The following NCAM1 variants were observed in gnomAD, a reference collection of about 807,000 sequenced individuals.
NCAM1 encodes neural cell adhesion molecule 1.
NCAM1 carries 14 observed loss-of-function variants against 109.8 expected under a neutral mutation model. The ratio of observed to expected loss-of-function variants is 0.13; its 90% CI spans 0.08 to 0.20. NCAM1 has a LOEUF of 0.20. Ranked by LOEUF, NCAM1 falls within the 10% of genes least tolerant of loss-of-function variation. The pLI is 1.00. For synonymous variants in NCAM1, 418 were observed against 442.9 expected (o/e 0.94, Z 0.70); for missense variants, 774 against 1,109.9 (o/e 0.70, Z 4.30).
intron 1 of NCAM1, among the ~76,000 whole-genome samples, chr11:112,993,622 T>A (rs1439118993): frequency 2.0e-5 from 3 of 152,230 alleles, no homozygotes; most frequent in African/African-American, 7.2e-5. Context: ...TAACATTTGT[T>A]TTTAAAATTT....
rs2361227 is a variant in NCAM1, at chr11:113,088,547, C to G, written c.53-113832C>G. Among the ~76,000 whole-genome samples, 4 of 9,192 alleles carry G rather than the reference C, an allele frequency of 4.4e-4. No homozygotes were observed. In the South Asian group the frequency reaches 5.6e-3, roughly 13 times the overall value. The allele number at this position is 9,192 out of a possible 152,430, so 6.0% of individuals were successfully genotyped here. On this transcript the variant is annotated intron_variant, in intron 1 of 19. Transcript: ENST00000316851. ...ACCATTTGATATGGCATAGCGATCT[C>G]ACTGATCATTGGGTAAAACACTAGT...
At chr11:113,032,944 A>G (rs1555078549) in intron 1 of NCAM1, among the ~76,000 whole-genome samples, 1 of 152,218 alleles carries the variant, frequency 6.6e-6, no homozygotes, top group African/African-American at 2.4e-5. Context: ...TTCCCCCTCA[A>G]TAAATTTTCT....
intron 1 of NCAM1, among the ~76,000 whole-genome samples, chr11:112,995,339 A>G (rs1383352654): frequency 1.3e-5 from 2 of 152,192 alleles, no homozygotes; most frequent in African/African-American, 2.4e-5. Context: ...TCTGAGAAGT[A>G]GTTCTTCTAA....
chr11:113,074,954 T>G (rs1938462783), intron 1 of NCAM1, among the ~76,000 whole-genome samples: 2 of 152,170 alleles, frequency 1.3e-5, no homozygotes, highest in African/African-American at 4.8e-5. Context: ...TTTTAATTAG[T>G]TCAAATTGGA....
chr11:113,239,909 T>G (rs1945276664), intron 14 of NCAM1, among the ~76,000 whole-genome samples: 1 of 152,150 alleles, frequency 6.6e-6, no homozygotes, highest in East Asian at 1.9e-4. Flanking sequence ...ACACTGAGGT[T>G]TTTCCAAATT....
At chr11:113,046,984 ACTGG>A (rs1259646157) in intron 1 of NCAM1, among the ~76,000 whole-genome samples, 5 of 152,202 alleles carry the variant, frequency 3.3e-5, no homozygotes, top group Admixed American at 1.3e-4. Flanking sequence ...GTGGAAATAC[ACTGG>A]CTGTTAAAGT....
intron 14 of NCAM1, among the ~76,000 whole-genome samples, chr11:113,237,446 C>T (rs907781874): frequency 1.1e-4 from 16 of 152,208 alleles, no homozygotes; most frequent in African/African-American, 3.9e-4. Flanking sequence ...TGCCAAATGT[C>T]CTACCTCAGC....
At position 113,178,351 on chromosome 11, in the gene NCAM1, TA is replaced by T. The variant is rs370400825; in HGVS notation, c.53-24022del. Among the ~76,000 whole-genome samples, 29 of 152,250 alleles carry T rather than the reference TA, an allele frequency of 1.9e-4. No homozygotes were observed. The East Asian group carries it at 5.6e-3, about 29-fold the overall frequency. ...TCCCTGATGCATTAATGTGTTGACT[TA>T]AAAAAGGCTGCAGGGGCTCATCTCC... On this transcript the variant is annotated intron_variant, in intron 1 of 19. Coordinates refer to ENST00000316851, the MANE Select transcript of NCAM1 (RefSeq NM_181351.5).
chr11:113,040,730 T>C (rs7942268), intron 1 of NCAM1, among the ~76,000 whole-genome samples: 1 of 152,234 alleles, frequency 6.6e-6, no homozygotes, highest in South Asian at 2.1e-4. Context: ...TCCTCTCTTA[T>C]AAAGTGATGG....
intron 1 of NCAM1, among the ~76,000 whole-genome samples, chr11:113,187,660 G>A (rs782734123): frequency 1.2e-4 from 18 of 151,598 alleles, no homozygotes; most frequent in Non-Finnish European, 2.1e-4. Flanking sequence ...AGTGAGGAAC[G>A]CTCCATGAAA....
chr11:113,248,890 T>C (rs1945578256), intron 15 of NCAM1, among the ~76,000 whole-genome samples: 1 of 152,044 alleles, frequency 6.6e-6, no homozygotes, highest in Non-Finnish European at 1.5e-5. Flanking sequence ...AAAGAAGAAG[T>C]GAGGATGCAA....
At chr11:112,965,719 T>C (rs932702047) in intron 1 of NCAM1, among the ~76,000 whole-genome samples, 1 of 152,236 alleles carries the variant, frequency 6.6e-6, no homozygotes, top group Non-Finnish European at 1.5e-5. Context: ...AATTTTGTCT[T>C]TAGTATTAAA....
chr11:113,203,737 G>T (rs1412718577), intron 2 of NCAM1, among the ~76,000 whole-genome samples: 1 of 152,216 alleles, frequency 6.6e-6, no homozygotes, highest in Non-Finnish European at 1.5e-5. Flanking sequence ...GCCAGTTTGT[G>T]CAGGCAGATG....
At chr11:112,987,310 A>G (rs1216923638) in intron 1 of NCAM1, among the ~76,000 whole-genome samples, 2 of 152,136 alleles carry the variant, frequency 1.3e-5, no homozygotes, top group Non-Finnish European at 2.9e-5. Flanking sequence ...TTCATGGCCT[A>G]ACATATGGTC....
intron 8 of NCAM1, among the ~76,000 whole-genome samples, chr11:113,219,352 G>C (rs1944622308): frequency 6.6e-6 from 1 of 152,216 alleles, no homozygotes; most frequent in African/African-American, 2.4e-5. Context: ...TAAGCAATCA[G>C]TCTGGTTTAT....
Position 113,079,158 on chromosome 11 carries a change from T to C in NCAM1, c.52+117494T>C, listed in dbSNP as rs146285080. Among the ~76,000 whole-genome samples, 19 of 152,338 alleles carry C rather than the reference T, an allele frequency of 1.2e-4. 1 individual carries two copies. Among genetic ancestry groups the C allele is most frequent in the African/African-American group, 4.3e-4 (18 of 41,590 alleles). ...TGAGGCTGTGATTTTGTGTTTCCTA[T>C]TCTTGAAGTTCCACGAAATATAAAG... On this transcript the variant is annotated intron_variant, in intron 1 of 19. Transcript: ENST00000316851.
intron 1 of NCAM1, among the ~76,000 whole-genome samples, chr11:113,050,302 T>G (rs1953429243): frequency 6.6e-6 from 1 of 152,220 alleles, no homozygotes; most frequent in African/African-American, 2.4e-5. Flanking sequence ...GGCATTTAAG[T>G]GCTTATGCAA....
chr11:113,214,640 C>G (rs572105065), intron 8 of NCAM1, 129 bp downstream of exon 8: 4 of 1,027,834 alleles, frequency 3.9e-6, no homozygotes, highest in Non-Finnish European at 5.6e-6. Context: ...AGCCAGATCC[C>G]GGGGCCTCCC....
intron 1 of NCAM1, among the ~76,000 whole-genome samples, chr11:113,102,200 A>G (rs1210666328): frequency 2.0e-5 from 3 of 152,192 alleles, no homozygotes; most frequent in Admixed American, 6.5e-5. Context: ...TCCATATTTA[A>G]GTTTTCAGGA....
Sources: gnomAD v4.1 joint callset for allele counts (sites outside exome capture counted in the v4.1 genomes callset) on GRCh38, gnomAD v4.1.1 for gene constraint, MANE v1.5 for transcripts, NCBI Gene and HGNC (gene_info 2026-07-23, HGNC 2026-07-21) for gene names.